CLCNKA: variants seen among roughly 807,000 people sequenced by gnomAD.
CLCNKA encodes chloride voltage-gated channel Ka.
In CLCNKA, 66 loss-of-function variants were observed where a neutral mutation model predicts 83.3. The ratio of observed to expected loss-of-function variants is 0.79; its 90% CI spans 0.65 to 0.97. The LOEUF is 0.97. Among genes scored for constraint, CLCNKA ranks in the 50% least tolerant of loss-of-function variants. The pLI is 0.00. For synonymous variants in CLCNKA, 357 were observed against 370.4 expected (o/e 0.96, Z 0.42); for missense variants, 806 against 888.7 (o/e 0.91, Z 1.18).
At chr1:16,026,071 G>T in intron 4 of CLCNKA, 37 bp from the exon 5 acceptor site, 1 of 1,611,944 alleles carries the variant, frequency 6.2e-7, no homozygotes, top group Non-Finnish European at 8.5e-7. Flanking sequence ...TTAATCTAGA[G>T]ATTGTCCCCT....
rs774294391 is a variant in CLCNKA, at chr1:16,026,141, C to A, written c.392C>A (p.Ala131Glu). ...SGIPELKTML[A>E]GVILEDYLDI... is the part of the protein sequence containing the mutation. ...ATCCCGGAGCTGAAGACCATGTTGG[C>A]GGGTGTGATCTTGGAGGACTACCTG... Residue 131 changes from alanine to glutamate, a missense_variant, in exon 5 of 20, where the codon GCG (alanine) becomes GAG (glutamate). Coordinates refer to ENST00000331433, the MANE Select transcript of CLCNKA (RefSeq NM_004070.4). The A allele has an allele frequency of 6.2e-7, 1 of 1,613,118 alleles. No individual in the cohort carries two copies. Among genetic ancestry groups the A allele is most frequent in the South Asian group, 1.1e-5 (1 of 91,032 alleles).
chr1:16,032,351 G>A, intron 17 of CLCNKA, 60 bp downstream of exon 17: 1 of 1,534,282 alleles, frequency 6.5e-7, no homozygotes, highest in Non-Finnish European at 9.0e-7. Context: ...GATGGGAGGG[G>A]AGGGACCCGC....
chr1:16,029,869 C>T (rs981296123), intron 13 of CLCNKA, 69 bp downstream of exon 13: 86 of 1,608,282 alleles, frequency 5.3e-5, no homozygotes, highest in Admixed American at 2.5e-4. Context: ...TCCTGGTTCA[C>T]CCTCTTCCCG....
chr1:16,031,575 A>G (rs985360188), intron 15 of CLCNKA, 135 bp from the exon 16 acceptor site: 3 of 1,302,602 alleles, frequency 2.3e-6, no homozygotes, highest in East Asian at 2.5e-5. Context: ...CCCTCATTCC[A>G]GGAACCTCTC....
At chr1:16,022,291 C>T (rs539506886) in intron 1 of CLCNKA, among the ~76,000 whole-genome samples, 1 of 152,186 alleles carries the variant, frequency 6.6e-6, no homozygotes, top group African/African-American at 2.4e-5. Flanking sequence ...GTGAGAGAGT[C>T]ACAGCCCTGG....
intron 14 of CLCNKA, 35 bp from the exon 15 acceptor site, chr1:16,030,426 G>A: frequency 1.2e-6 from 2 of 1,610,814 alleles, no homozygotes; most frequent in Non-Finnish European, 1.7e-6. Flanking sequence ...CCTGCCTCCT[G>A]GCCTGAGCCG....
Position 16,027,888 on chromosome 1 carries a change from C to CT in CLCNKA, c.855dup (p.Val286CysfsTer38), listed in dbSNP as rs753052635. On this transcript the variant is annotated frameshift_variant, in exon 9 of 20. Coordinates refer to ENST00000331433, the MANE Select transcript of CLCNKA (RefSeq NM_004070.4). LOFTEE classifies it high-confidence loss of function. ...TTCCCTTCGACCTGCCTGAGATCTT[C>CT]TTTTTTGTGGCGCTGGGGTGAGTGG... is the stretch of plus-strand genomic sequence containing the variant. 3 of 1,613,848 alleles carry CT rather than the reference C, an allele frequency of 1.9e-6. No homozygotes were observed. Among genetic ancestry groups the CT allele is most frequent in the African/African-American group, 1.3e-5 (1 of 74,966 alleles).
At chr1:16,027,951 C>G (rs184146945) in intron 9 of CLCNKA, 46 bp downstream of exon 9, 9 of 1,614,026 alleles carry the variant, frequency 5.6e-6, no homozygotes, top group Admixed American at 5.0e-5. Context: ...GGCATTCCCC[C>G]CAAGGCCTGG....
intron 8 of CLCNKA, 87 bp downstream of exon 8, chr1:16,027,522 TCTTCC>T: frequency 6.4e-7 from 1 of 1,573,582 alleles, no homozygotes. Flanking sequence ...CATCTCTTGC[TCTTCC>T]CTTCCCTCTC....
intron 2 of CLCNKA, among the ~76,000 whole-genome samples, chr1:16,023,135 T>C (rs1291459665): frequency 1.3e-5 from 2 of 152,216 alleles, no homozygotes. Context: ...TCCCCTCAGC[T>C]ACGGGGCAGA....
Position 16,031,844 on chromosome 1 carries a change from G to A in CLCNKA, c.1756+1G>A, listed in dbSNP as rs747430657. 3 of 1,613,814 alleles carry A rather than the reference G, an allele frequency of 1.9e-6. No homozygotes were observed. Among genetic ancestry groups the A allele is most frequent in the Non-Finnish European group, 1.7e-6 (2 of 1,180,038 alleles). ...GAGTATCCCCTGGTGGAGAGCACAG[G>A]TGCCCAGCTGGAAGGGAGGAGGAAG... On this transcript the variant is annotated splice_donor_variant, in intron 16 of 19. Coordinates refer to ENST00000331433, the MANE Select transcript of CLCNKA (RefSeq NM_004070.4). LOFTEE classifies it high-confidence loss of function.
Position 16,033,202 on chromosome 1 carries a change from G to C in CLCNKA, c.1962G>C (p.Gln654His). The change falls in exon 19 of 20, where the codon CAG becomes CAC. Residue 654 changes from glutamine (Q) to histidine (H), a missense_variant. By Grantham distance (24) the Gln-to-His change is conservative. Transcript: ENST00000331433. ...ACCTCTTTAAGCTGTTGAACCTTCA[G>C]TCCCTCTTCGTGACATCGCGGGGCA... Reference protein sequence around the residue: ...AQNLFKLLNLQSLFVTSRGRA... With the variant: ...AQNLFKLLNLHSLFVTSRGRA... 6.2e-7 allele frequency: 1 copy of C among 1,614,182 alleles called. No homozygotes were observed. The highest frequency in any genetic ancestry group is 2.2e-5 in the East Asian group (1 of 44,882).
Position 16,033,168 on chromosome 1 carries a change from A to C in CLCNKA, c.1930-2A>C, listed in dbSNP as rs2022705060. The C allele has an allele frequency of 6.2e-7, 1 of 1,613,988 alleles. No homozygotes were observed. On this transcript the variant is annotated splice_acceptor_variant, in intron 18 of 19. Coordinates refer to ENST00000331433, the MANE Select transcript of CLCNKA (RefSeq NM_004070.4). LOFTEE classifies it high-confidence loss of function. ...AGTGTTTCCTAACAATCCCCCATCC[A>C]GGCACAAAACCTCTTTAAGCTGTTG...
At chr1:16,022,321 G>C (rs1288585046) in intron 1 of CLCNKA, among the ~76,000 whole-genome samples, 1 of 152,176 alleles carries the variant, frequency 6.6e-6, no homozygotes, top group Non-Finnish European at 1.5e-5. Context: ...GCTCCCAGTA[G>C]TGGAAGCACC....
At chr1:16,033,324 G>A in intron 19 of CLCNKA, 68 bp downstream of exon 19, 1 of 1,523,218 alleles carries the variant, frequency 6.6e-7, no homozygotes, top group South Asian at 1.1e-5. Flanking sequence ...AGATGGGGAG[G>A]TGGGGGGACA....
At chr1:16,027,199 C>G (rs1451234397) in intron 7 of CLCNKA, 111 bp from the exon 8 acceptor site, 1 of 1,486,840 alleles carries the variant, frequency 6.7e-7, no homozygotes, top group African/African-American at 1.4e-5. Context: ...CCTGTCCGGG[C>G]TGTAGGACAG....
chr1:16,031,894 C>T lies in CLCNKA; in HGVS notation c.1756+51C>T, dbSNP rs757779888. 5 of 1,612,236 alleles carry T rather than the reference C, an allele frequency of 3.1e-6. No homozygotes were observed. In the East Asian group the frequency reaches 6.7e-5, roughly 22 times the overall value. On this transcript the variant is annotated intron_variant, in intron 16 of 19. Transcript: ENST00000331433. Reference sequence around the variant, plus strand: ...GTCGGGGGTAGGGGATGCCCTCTGCCTCCTTCTTGAACCTGTCAGGCAGAC... The same window carrying T: ...GTCGGGGGTAGGGGATGCCCTCTGCTTCCTTCTTGAACCTGTCAGGCAGAC...
Position 16,026,773 on chromosome 1 carries a change from G to T in CLCNKA, c.653G>T (p.Ser218Ile), listed in dbSNP as rs1191095674. Residue 218 changes from serine (S) to isoleucine (I), a missense_variant and splice_region_variant, in exon 7 of 20, where the codon AGC becomes ATC. Physicochemically the swap from Ser to Ile is moderately radical, Grantham distance 142 (BLOSUM62 -2). Coordinates refer to ENST00000331433, the MANE Select transcript of CLCNKA (RefSeq NM_004070.4). The stretch of plus-strand genomic sequence containing the variant: ...GCCACAGTCTTTGCAGCTCCCTTCA[G>T]CGGTGAGACCCCCCTCATGCCCCGC... Reference protein sequence around the residue: ...GVATVFAAPFSGVLFSIEVMS... With the variant: ...GVATVFAAPFIGVLFSIEVMS... The T allele has an allele frequency of 6.9e-6, 11 of 1,604,412 alleles. No homozygotes were observed. The highest frequency in any genetic ancestry group is 2.2e-5 in the East Asian group (1 of 44,878).
intron 2 of CLCNKA, among the ~76,000 whole-genome samples, chr1:16,023,133 G>C (rs2022206926): frequency 6.6e-6 from 1 of 152,230 alleles, no homozygotes; most frequent in Non-Finnish European, 1.5e-5. Context: ...TGTCCCCTCA[G>C]CTACGGGGCA....
Sources: allele counts gnomAD v4.1 joint callset (sites outside exome capture counted in the v4.1 genomes callset), GRCh38; gene constraint gnomAD v4.1.1; transcripts MANE v1.5; gene names NCBI Gene and HGNC (gene_info 2026-07-23, HGNC 2026-07-21).